DDAH1: variants seen among roughly 807,000 people sequenced by gnomAD.
DDAH1 encodes the protein N(G),N(G)-dimethylarginine dimethylaminohydrolase 1.
DDAH1 carries 19 observed loss-of-function variants against 28.8 expected under a neutral mutation model. The observed-to-expected ratio is 0.66, with a 90% CI of 0.46 to 0.97. The LOEUF is 0.97. DDAH1 is among the 50% of genes least tolerant of loss of function. The pLI is 0.00. For missense variants in DDAH1, 326 were observed against 375.9 expected, an observed-to-expected ratio of 0.87 and a Z score of 1.10; for synonymous variants, 153 against 154.4, an observed-to-expected ratio of 0.99 and a Z score of 0.07.
intron 1 of DDAH1, among the ~76,000 whole-genome samples, chr1:85,554,851 G>A (rs1167125167): frequency 2.0e-5 from 3 of 152,158 alleles, no homozygotes; most frequent in Non-Finnish European, 4.4e-5. Flanking sequence ...AGACACCTTT[G>A]CCTGCACAGG....
intron 1 of DDAH1, among the ~76,000 whole-genome samples, chr1:85,377,487 C>T (rs561030825): frequency 1.3e-4 from 20 of 152,054 alleles, no homozygotes; most frequent in Middle Eastern, 3.2e-3. Context: ...ATAAATGTGG[C>T]CTGGCACTGA....
intron 1 of DDAH1, among the ~76,000 whole-genome samples, chr1:85,558,106 C>A (rs1659035979): frequency 6.7e-6 from 1 of 150,238 alleles, no homozygotes; most frequent in Non-Finnish European, 1.5e-5. Context: ...GTGGCTCATG[C>A]CTGTAATCCC....
intron 1 of DDAH1, among the ~76,000 whole-genome samples, chr1:85,433,301 G>A (rs1396326349): frequency 6.6e-6 from 1 of 152,028 alleles, no homozygotes; most frequent in East Asian, 1.9e-4. Flanking sequence ...GGAGCAGCAG[G>A]GGTTTGAGCT....
chr1:85,432,975 G>C (rs955176810), intron 1 of DDAH1, among the ~76,000 whole-genome samples: 4 of 152,140 alleles, frequency 2.6e-5, no homozygotes, highest in Admixed American at 2.0e-4. Context: ...TTAGTTCAGA[G>C]AAGATAACTA....
chr1:85,577,161 C>A (rs987353995), intron 1 of DDAH1, among the ~76,000 whole-genome samples: 1 of 152,086 alleles, frequency 6.6e-6, no homozygotes, highest in African/African-American at 2.4e-5. Context: ...CAGGCGCGTC[C>A]GGATGCCTCG....
At chr1:85,568,919 T>C (rs1425302416) in intron 1 of DDAH1, among the ~76,000 whole-genome samples, 1 of 152,192 alleles carries the variant, frequency 6.6e-6, no homozygotes. Context: ...ATGAAGTCAC[T>C]CATTATATAC....
At chr1:85,557,949 GT>G (rs1659026007) in intron 1 of DDAH1, among the ~76,000 whole-genome samples, 1 of 152,126 alleles carries the variant, frequency 6.6e-6, no homozygotes, top group Non-Finnish European at 1.5e-5. Flanking sequence ...ACTAGTTTAT[GT>G]TGTTTAAGCC....
At chr1:85,344,049 G>C (rs1277418762) in intron 4 of DDAH1, among the ~76,000 whole-genome samples, 1 of 152,156 alleles carries the variant, frequency 6.6e-6, no homozygotes, top group Admixed American at 6.6e-5. Flanking sequence ...AAACCTAAAA[G>C]ACATTTCCAT....
chr1:85,498,561 A>T lies in DDAH1; in HGVS notation c.-122-2280T>A, dbSNP rs991584010. Among the ~76,000 whole-genome samples, 6 of 152,340 alleles carry T rather than the reference A, an allele frequency of 3.9e-5. No homozygotes were observed. The South Asian group carries it at 1.2e-3, about 32-fold the overall frequency. The stretch of plus-strand genomic sequence containing the variant: ...TAAGGATGCACATTTCAGTCCCTAG[A>T]TAGCCCAAAATAAAACAACAACATA... On this transcript the variant is annotated intron_variant, in intron 1 of 6. Transcript: ENST00000426972.
intron 1 of DDAH1, among the ~76,000 whole-genome samples, chr1:85,532,064 C>A (rs1658111377): frequency 6.6e-6 from 1 of 151,198 alleles, no homozygotes; most frequent in South Asian, 2.1e-4. Flanking sequence ...TTGGGAATCA[C>A]CAAACCAACT....
At chr1:85,544,558 G>GAC (rs777996883) in intron 1 of DDAH1, among the ~76,000 whole-genome samples, 5 of 152,080 alleles carry the variant, frequency 3.3e-5, no homozygotes, top group Non-Finnish European at 7.4e-5. Context: ...TCTTCACTCA[G>GAC]ACACCCAGAA....
At chr1:85,358,708 T>A in intron 2 of DDAH1, 40 bp downstream of exon 2, 1 of 1,373,968 alleles carries the variant, frequency 7.3e-7, no homozygotes. Flanking sequence ...AGCCAAGTAT[T>A]AAAAATATTC....
intron 1 of DDAH1, among the ~76,000 whole-genome samples, chr1:85,549,188 T>C (rs1250469428): frequency 1.3e-5 from 2 of 152,214 alleles, no homozygotes; most frequent in Non-Finnish European, 2.9e-5. Flanking sequence ...CTAAGCACTG[T>C]ACAGACTGCT....
At position 85,464,952 on chromosome 1, in the gene DDAH1, T is replaced by G; in HGVS notation, c.94A>C (p.Ser32Arg). 1.3e-6 allele frequency: 2 copies of G among 1,504,278 alleles called. No homozygotes were observed. Among genetic ancestry groups the G allele is most frequent in the Non-Finnish European group, 8.8e-7 (1 of 1,134,514 alleles). 93.2% of individuals were successfully genotyped at this position (1,504,278 alleles called of 1,614,324 possible). The change falls in exon 1 of 6, where the codon AGC becomes CGC. Residue 32 changes from serine to arginine, a missense_variant. Ser to Arg is a moderately radical substitution (Grantham distance 110). Transcript: ENST00000284031. This position sits in a 1 kb window ranked among gnomAD's most constrained non-coding sequence, Gnocchi z 4.4. ...ACGTCCACCTCCTCGCCCTTGGCGC[T>G]TCTCAGCGCGTGCTGGCCGAGCGAC... Reference protein sequence around the residue: ...PESLGQHALRSAKGEEVDVAR... With the variant: ...PESLGQHALRRAKGEEVDVAR...
chr1:85,546,149 C>T (rs1379352008), intron 1 of DDAH1, among the ~76,000 whole-genome samples: 2 of 147,412 alleles, frequency 1.4e-5, no homozygotes, highest in South Asian at 2.2e-4. Flanking sequence ...AAAAAACATG[C>T]GTTGGAAACT....
At chr1:85,350,335 C>T (rs986260200) in intron 4 of DDAH1, 80 bp downstream of exon 4, 2 of 1,537,722 alleles carry the variant, frequency 1.3e-6, no homozygotes, top group African/African-American at 1.4e-5. Context: ...CTGCTTGTTA[C>T]TCCCCCAGCA....
intron 1 of DDAH1, among the ~76,000 whole-genome samples, chr1:85,497,559 G>C (rs1011604980): frequency 6.6e-6 from 1 of 152,100 alleles, no homozygotes; most frequent in African/African-American, 2.4e-5. Flanking sequence ...TAATCTTTCT[G>C]ATCTTGCAAA....
chr1:85,494,244 G>C (rs1239704433), intron 2 of DDAH1: 2 of 152,168 alleles, frequency 1.3e-5, no homozygotes, highest in African/African-American at 4.8e-5. Context: ...GCATTTACCA[G>C]AACAGCTCTT....
intron 1 of DDAH1, among the ~76,000 whole-genome samples, chr1:85,381,871 C>T (rs567655552): frequency 6.6e-6 from 1 of 152,280 alleles, no homozygotes; most frequent in South Asian, 2.1e-4. Flanking sequence ...CCACATAAGA[C>T]AGCAAACTTA....
Sources: allele counts gnomAD v4.1 joint callset (sites outside exome capture counted in the v4.1 genomes callset), GRCh38; gene constraint gnomAD v4.1.1; non-coding constraint Gnocchi (gnomAD v3.1); transcripts MANE v1.5; gene names NCBI Gene and HGNC (gene_info 2026-07-23, HGNC 2026-07-21).